Variants in LRRC4B observed in about 807,000 individuals in gnomAD.
LRRC4B encodes leucine-rich repeat-containing protein 4B.
In LRRC4B, 1 loss-of-function variant was observed where a neutral mutation model predicts 7.3. That is an observed-to-expected ratio of 0.14 (90% CI 0.05 to 0.65). LRRC4B has a LOEUF of 0.65. Among genes scored for constraint, LRRC4B ranks in the 30% least tolerant of loss-of-function variants. LRRC4B has a pLI of 0.84. For missense variants in LRRC4B, 730 were observed against 1,041.6 expected (o/e 0.70, Z 4.12); for synonymous variants, 500 against 499.2 (o/e 1.00, Z -0.02).
intron 1 of LRRC4B, among the ~76,000 whole-genome samples, chr19:50,560,703 G>A (rs1169772370): frequency 6.6e-6 from 1 of 152,228 alleles, no homozygotes; most frequent in Admixed American, 6.5e-5. Context: ...CTTGCAGTCT[G>A]TGAAGATAAT....
intron 2 of LRRC4B, among the ~76,000 whole-genome samples, chr19:50,541,998 C>T (rs933009654): frequency 6.6e-5 from 10 of 152,146 alleles, no homozygotes; most frequent in South Asian, 2.1e-4. Context: ...ACAGGCCGAG[C>T]GAACACAGTG....
chr19:50,547,680 T>C (rs1160133576), intron 2 of LRRC4B, among the ~76,000 whole-genome samples: 1 of 148,228 alleles, frequency 6.7e-6, no homozygotes, highest in Non-Finnish European at 1.5e-5. Flanking sequence ...CTGGTAAACA[T>C]CCTACAGCAC....
chr19:50,534,048 G>A lies in LRRC4B; in HGVS notation c.297+14494C>T, dbSNP rs138447767. ...TTCTTACATTACCATGTATTGTTTC[G>A]CTCATTTGACAGGTTATTTTTTGAG... On this transcript the variant is annotated intron_variant, in intron 2 of 2. Coordinates refer to ENST00000652263, the MANE Select transcript of LRRC4B (RefSeq NM_001080457.2). Among the ~76,000 whole-genome samples the A allele has an allele frequency of 2.8e-3, 431 of 152,174 alleles. 3 individuals are homozygous for A. The highest frequency in any genetic ancestry group is 4.7e-3 in the Non-Finnish European group (320 of 68,012).
rs541540991 is a variant in LRRC4B, at chr19:50,542,066, G to A, written c.297+6476C>T. 1.1e-4 allele frequency among the ~76,000 whole-genome samples: 16 copies of A among 152,308 alleles called. No individual in the cohort carries two copies. In the East Asian group the frequency reaches 1.5e-3, roughly 15 times the overall value. On this transcript the variant is annotated intron_variant, in intron 2 of 2. Transcript: ENST00000652263. ...CTGCATAAATTAAGAATACGTGTACGCAAAGCAACAATACCCATTTTGCAA... is the reference window on the plus strand; with the variant it reads ...CTGCATAAATTAAGAATACGTGTACACAAAGCAACAATACCCATTTTGCAA...
rs1265795638 is a variant in LRRC4B at position 50,517,443 on chromosome 19, T to C, written c.*128A>G. 12 of 835,138 alleles carry C rather than the reference T, an allele frequency of 1.4e-5. No individual in the cohort carries two copies. Among genetic ancestry groups the C allele is most frequent in the Admixed American group, 4.3e-5 (1 of 23,110 alleles). 51.7% of individuals were successfully genotyped at this position (835,138 alleles called of 1,614,324 possible). ...CCCAGATGGGGCTGGAAGCCACCTC[T>C]CCCCAATTCCCTGCGTGGTCCCAGA... On this transcript the variant is annotated 3_prime_UTR_variant, in exon 3 of 3. Transcript: ENST00000652263. The surrounding 1 kb of genome is among the most constrained non-coding windows in gnomAD (Gnocchi z 6.6).
At chr19:50,558,234 CACACAT>C in intron 1 of LRRC4B, among the ~76,000 whole-genome samples, 1 of 137,642 alleles carries the variant, frequency 7.3e-6, no homozygotes. Flanking sequence ...CACATACACA[CACACAT>C]ACATACATAC....
chr19:50,552,655 T>TCCGC (rs1555809071), intron 1 of LRRC4B, among the ~76,000 whole-genome samples: 2 of 73,172 alleles, frequency 2.7e-5, no homozygotes, highest in East Asian at 5.6e-4. Flanking sequence ...CGTCCATCCA[T>TCCGC]CCATCCATCC....
rs1980407468 is a variant in LRRC4B at position 50,518,533 on chromosome 19, C to T, written c.1180G>A (p.Val394Ile). 3.2e-6 allele frequency: 5 copies of T among 1,577,068 alleles called. No homozygotes were observed. The Admixed American group carries it at 5.3e-5, about 17-fold the overall frequency. The change falls in exon 3 of 3, where the codon GTC becomes ATC. Residue 394 changes from valine (V) to isoleucine (I), a missense_variant. Physicochemically the swap from Val to Ile is conservative, Grantham distance 29 (BLOSUM62 3). Coordinates refer to ENST00000652263, the MANE Select transcript of LRRC4B (RefSeq NM_001080457.2). ...KCRTGTSMTS[V>I]NWLTPNGTLM... The stretch of plus-strand genomic sequence containing the variant: ...GTGCCGTTGGGCGTCAGCCAGTTGA[C>T]GGAGGTCATGGAGGTGCCCGTGCGG...
Position 50,518,358 on chromosome 19 carries a change from T to C in LRRC4B, c.1355A>G (p.Asn452Ser), listed in dbSNP as rs1440844683. The part of the protein sequence containing the change: ...AGNTTASATL[N>S]VSAVDPVAAG... ...CGCCACGGGGTCCACGGCCGAGACGTTGAGCGTGGCCGAGGCGGTGGTGTT... is the reference window on the plus strand; with the variant it reads ...CGCCACGGGGTCCACGGCCGAGACGCTGAGCGTGGCCGAGGCGGTGGTGTT... Residue 452 changes from asparagine to serine, a missense_variant, in exon 3 of 3, where the codon AAC becomes AGC. Asn to Ser is a conservative substitution (Grantham distance 46). Around this residue, in one of 6 missense-constraint regions of LRRC4B, gnomAD observed 192 missense variants for 228.6 expected, o/e 0.84. Transcript: ENST00000652263. 6.2e-7 allele frequency: 1 copy of C among 1,604,324 alleles called. No homozygotes were observed. The highest frequency in any genetic ancestry group is 8.5e-7 in the Non-Finnish European group (1 of 1,176,408).
chr19:50,542,714 TG>T, intron 2 of LRRC4B, among the ~76,000 whole-genome samples: 1 of 152,108 alleles, frequency 6.6e-6, no homozygotes, highest in East Asian at 1.9e-4. Context: ...TAACCTCAGG[TG>T]ATCTGCCTGC....
chr19:50,566,418 C>T (rs922021109), intron 1 of LRRC4B, among the ~76,000 whole-genome samples: 1 of 151,382 alleles, frequency 6.6e-6, no homozygotes, highest in Admixed American at 6.6e-5. Context: ...TTCCCCCTCC[C>T]CCTTCCCAGC....
At chr19:50,543,238 C>T (rs749256821) in intron 2 of LRRC4B, among the ~76,000 whole-genome samples, 10 of 152,016 alleles carry the variant, frequency 6.6e-5, no homozygotes, top group Non-Finnish European at 1.2e-4. Context: ...GGCAGCGCGG[C>T]GGGGGACAGA....
Position 50,548,405 on chromosome 19 carries a change from C to A in LRRC4B, c.297+137G>T. The A allele has an allele frequency of 7.3e-6, 9 of 1,228,190 alleles. No homozygotes were observed. Among genetic ancestry groups the A allele is most frequent in the Non-Finnish European group, 1.0e-5 (9 of 887,756 alleles). The allele number at this position is 1,228,190 out of a possible 1,614,324, so 76.1% of individuals were successfully genotyped here. A position where few individuals can be genotyped will look rare whatever the true frequency, so the allele number is the denominator to read the frequency against. On this transcript the variant is annotated intron_variant, in intron 2 of 2. Transcript: ENST00000652263. This position sits in a 1 kb window ranked among gnomAD's most constrained non-coding sequence, Gnocchi z 6.8. ...GAGCCCGGCTCCAGCTGATAGGATG[C>A]AGACCCGCAGGCCACATCCACAGGT...
At chr19:50,531,297 C>G (rs1981048606) in intron 2 of LRRC4B, among the ~76,000 whole-genome samples, 1 of 152,216 alleles carries the variant, frequency 6.6e-6, no homozygotes, top group Non-Finnish European at 1.5e-5. Flanking sequence ...GGCTGCCGGT[C>G]CCGGGGAGCG....
intron 2 of LRRC4B, among the ~76,000 whole-genome samples, chr19:50,539,609 C>T (rs1981453867): frequency 6.6e-6 from 1 of 151,456 alleles, no homozygotes; most frequent in South Asian, 2.1e-4. Context: ...AAGTTATTGG[C>T]TGGGTGTGGT....
intron 2 of LRRC4B, among the ~76,000 whole-genome samples, chr19:50,522,471 T>TTTATTTAC (rs1288235425): frequency 2.7e-5 from 4 of 148,194 alleles, no homozygotes; most frequent in Non-Finnish European, 5.9e-5. Context: ...TATTTATTTA[T>TTTATTTAC]TTATTTATTT....
At chr19:50,546,712 T>C (rs1258261548) in intron 2 of LRRC4B, among the ~76,000 whole-genome samples, 2 of 152,116 alleles carry the variant, frequency 1.3e-5, no homozygotes, top group Non-Finnish European at 2.9e-5. Context: ...AGCACGTTTG[T>C]GGGACTGAAT....
intron 1 of LRRC4B, among the ~76,000 whole-genome samples, chr19:50,560,652 G>A (rs1451530498): frequency 1.3e-5 from 2 of 151,978 alleles, no homozygotes; most frequent in Non-Finnish European, 2.9e-5. Flanking sequence ...TGAAACTCTG[G>A]CTGGCCACTT....
intron 2 of LRRC4B, among the ~76,000 whole-genome samples, chr19:50,542,321 T>C (rs1339349127): frequency 1.3e-5 from 2 of 151,986 alleles, no homozygotes; most frequent in African/African-American, 4.8e-5. Flanking sequence ...CACCCGGTCT[T>C]CTCCCAGGGG....
Sources: allele counts gnomAD v4.1 joint callset (sites outside exome capture counted in the v4.1 genomes callset), GRCh38; gene constraint gnomAD v4.1.1; regional missense constraint gnomAD v4.1.1; non-coding constraint Gnocchi (gnomAD v3.1); transcripts MANE v1.5; gene names NCBI Gene and HGNC (gene_info 2026-07-23, HGNC 2026-07-21).